The following ZDHHC11B variants were observed in gnomAD, a reference collection of about 807,000 sequenced individuals.
ZDHHC11B encodes the protein probable palmitoyltransferase ZDHHC11B.
In ZDHHC11B, 17 loss-of-function variants were observed where a neutral mutation model predicts 42.3. The ratio of observed to expected loss-of-function variants is 0.40; its 90% CI spans 0.27 to 0.60. The LOEUF is 0.60. Ranked by LOEUF, ZDHHC11B falls within the 20% of genes least tolerant of loss-of-function variation. The pLI, the probability that ZDHHC11B is intolerant of heterozygous loss-of-function variation, is 0.41. For synonymous variants in ZDHHC11B, 123 were observed against 193.5 expected (o/e 0.64, Z 3.02); for missense variants, 262 against 463.2 (o/e 0.57, Z 3.99).
At chr5:732,379 T>C (rs561430666) in intron 11 of ZDHHC11B, 3 of 258,374 alleles carry the variant, frequency 1.2e-5, no homozygotes, top group Middle Eastern at 4.3e-4. Flanking sequence ...GACTCACAAA[T>C]GCACCTGTGC....
Position 766,709 on chromosome 5 carries a change from T to C in ZDHHC11B, c.211A>G (p.Ile71Val), listed in dbSNP as rs760789948. 1.2e-6 allele frequency: 2 copies of C among 1,609,428 alleles called. No individual in the cohort carries two copies. The highest frequency in any genetic ancestry group is 1.7e-5 in the Admixed American group (1 of 59,300). Residue 71 changes from isoleucine (I) to valine (V), a missense_variant, in exon 4 of 14, where the codon ATC (isoleucine) becomes GTC (valine). Ile to Val is a conservative substitution (Grantham distance 29, BLOSUM62 3). Coordinates refer to ENST00000508859, the MANE Select transcript of ZDHHC11B (RefSeq NM_001351303.2). Reference protein sequence around the residue: ...IPLLPHSWKYIAYVVTGGIFS... With the variant: ...IPLLPHSWKYVAYVVTGGIFS... ...GATGAAAAGGATACCACATAGGCGA[T>C]GTATTTCCACGAGTGAGGCAGGAGG... is the stretch of plus-strand genomic sequence containing the variant.
intron 8 of ZDHHC11B, among the ~76,000 whole-genome samples, chr5:746,881 C>T (rs1228629983): frequency 4.7e-5 from 6 of 128,478 alleles, no homozygotes; most frequent in Non-Finnish European, 6.7e-5. Flanking sequence ...ATCCCTTAAT[C>T]TGCGGCACAT....
chr5:784,173 C>T (rs1287157892), intron 1 of ZDHHC11B, among the ~76,000 whole-genome samples: 1 of 151,102 alleles, frequency 6.6e-6, no homozygotes, highest in East Asian at 1.9e-4. Context: ...TCATTCTGGG[C>T]CGTTTCTGTG....
intron 2 of ZDHHC11B, among the ~76,000 whole-genome samples, chr5:767,754 G>A (rs1260501230): frequency 1.3e-5 from 1 of 78,820 alleles, no homozygotes; most frequent in South Asian, 5.7e-4. Context: ...AGACCGCAGG[G>A]AAATGAGCTC....
intron 12 of ZDHHC11B, among the ~76,000 whole-genome samples, chr5:717,636 A>G (rs1431111584): frequency 2.0e-5 from 3 of 151,220 alleles, no homozygotes; most frequent in Non-Finnish European, 4.4e-5. Context: ...ACGGATCCAT[A>G]AATGAGTAAG....
intron 1 of ZDHHC11B, among the ~76,000 whole-genome samples, chr5:777,207 G>A (rs1579464421): frequency 6.6e-6 from 1 of 151,912 alleles, no homozygotes; most frequent in Admixed American, 6.6e-5. Flanking sequence ...CTTTAGGAGT[G>A]AAGCCGCGGA....
At chr5:745,551 C>G (rs1395610946) in intron 8 of ZDHHC11B, among the ~76,000 whole-genome samples, 2 of 149,902 alleles carry the variant, frequency 1.3e-5, no homozygotes, top group African/African-American at 4.9e-5. Context: ...ACTCAGGCCC[C>G]CCCGCCTGCC....
At chr5:724,670 C>T (rs764911591) in intron 12 of ZDHHC11B, among the ~76,000 whole-genome samples, 2,091 of 148,806 alleles carry the variant, frequency 0.014, 19 homozygotes, top group Non-Finnish European at 0.021. Context: ...GTTACACACA[C>T]ACACACACAC....
chr5:757,448 A>C (rs1388294206), intron 4 of ZDHHC11B, among the ~76,000 whole-genome samples: 1 of 151,912 alleles, frequency 6.6e-6, no homozygotes, highest in African/African-American at 2.4e-5. Context: ...GAGCCCCCTC[A>C]GGCAACGTTG....
In ZDHHC11B at chr5:748,423, G is replaced by T; in HGVS notation, c.765C>A (p.Leu255=). ...ACATACTCAGGTAGATGTGGAAGAT[G>T]AGCAGCTGGCCCAGCTGCACCAAGC... ...LLGLVQLGQL[L]IFHIYLKAKK... is the part of the protein sequence containing the mutation. Residue 255 remains leucine (L), a synonymous_variant, in exon 8 of 14, where the codon CTC becomes CTA. Transcript: ENST00000508859. 2 of 1,358,394 alleles carry T rather than the reference G, an allele frequency of 1.5e-6. 1 individual carries two copies. Among genetic ancestry groups the T allele is most frequent in the Non-Finnish European group, 2.0e-6 (2 of 1,023,266 alleles). 84.1% of individuals were successfully genotyped at this position (1,358,394 alleles called of 1,614,324 possible).
At chr5:716,936 C>T (rs1741796568) in intron 12 of ZDHHC11B, 71 bp from the exon 13 acceptor site, 39 of 1,604,846 alleles carry the variant, frequency 2.4e-5, no homozygotes, top group Non-Finnish European at 3.3e-5. Flanking sequence ...TGCCAAAGTG[C>T]ACAAAATGTG....
At chr5:730,524 A>G (rs1422770776) in intron 11 of ZDHHC11B, 56 bp from the exon 12 acceptor site, 76 of 1,514,932 alleles carry the variant, frequency 5.0e-5, no homozygotes, top group Non-Finnish European at 6.7e-5. Context: ...TGTTGACATT[A>G]AACTTATTCT....
At chr5:751,818 C>A (rs530077682) in intron 6 of ZDHHC11B, among the ~76,000 whole-genome samples, 3 of 122,272 alleles carry the variant, frequency 2.5e-5, no homozygotes, top group African/African-American at 7.8e-5. Flanking sequence ...CACCGCCTGA[C>A]AATTCAGGCA....
Position 710,608 on chromosome 5 carries a change from T to A in ZDHHC11B, c.*1682A>T, listed in dbSNP as rs59813347. On this transcript the variant is annotated 3_prime_UTR_variant, in exon 14 of 14. Coordinates refer to ENST00000508859, the MANE Select transcript of ZDHHC11B (RefSeq NM_001351303.2). ...ATTTCACAGTACTGTGTGCTCCCAT[T>A]TCTCAGTACTGGGCTCCCATTTCCC... is the stretch of plus-strand genomic sequence containing the variant. 1.3e-5 allele frequency: 2 copies of A among 154,176 alleles called. No individual in the cohort carries two copies. The highest frequency in any genetic ancestry group is 2.4e-5 in the African/African-American group (1 of 41,022). 9.6% of individuals were successfully genotyped at this position (154,176 alleles called of 1,614,324 possible). A position where few individuals can be genotyped will look rare whatever the true frequency, so the allele number is the denominator to read the frequency against.
chr5:758,543 T>A (rs756412800), intron 4 of ZDHHC11B, among the ~76,000 whole-genome samples: 15 of 151,730 alleles, frequency 9.9e-5, no homozygotes, highest in Non-Finnish European at 2.1e-4. Flanking sequence ...GTCCTGAGCC[T>A]GAACCTGCCA....
In ZDHHC11B at chr5:745,361, A is replaced by G. The variant is rs917695110; in HGVS notation, c.785-63T>C. The G allele has an allele frequency of 2.0e-6, 3 of 1,472,668 alleles. No homozygotes were observed. In the African/African-American group the frequency reaches 4.1e-5, roughly 20 times the overall value. 91.2% of individuals were successfully genotyped at this position (1,472,668 alleles called of 1,614,324 possible). A position where few individuals can be genotyped will look rare whatever the true frequency, so the allele number is the denominator to read the frequency against. On this transcript the variant is annotated intron_variant, in intron 8 of 13. Coordinates refer to ENST00000508859, the MANE Select transcript of ZDHHC11B (RefSeq NM_001351303.2). ...CCCTGCGGCTTTGCACGGCGCCCAC[A>G]GGACAGCTCAGCAGGGTGGCCAGTG...
intron 9 of ZDHHC11B, among the ~76,000 whole-genome samples, chr5:743,349 A>G (rs867503321): frequency 1.1e-3 from 159 of 146,054 alleles, no homozygotes; most frequent in African/African-American, 3.8e-3. Context: ...AAGTTCTCCA[A>G]TTTTATTTTT....
rs1349671133 is a variant in ZDHHC11B at position 752,012 on chromosome 5, G to T, written c.504-755C>A. 9.1e-4 allele frequency among the ~76,000 whole-genome samples: 112 copies of T among 123,074 alleles called. 8 individuals are homozygous for T. Among genetic ancestry groups the T allele is most frequent in the African/African-American group, 2.6e-3 (100 of 38,568 alleles). 80.7% of individuals were successfully genotyped at this position (123,074 alleles called of 152,430 possible). On this transcript the variant is annotated intron_variant, in intron 6 of 13. Coordinates refer to ENST00000508859, the MANE Select transcript of ZDHHC11B (RefSeq NM_001351303.2). ...CCAGTGTCACAGCTCTGGGGCCTCT[G>T]CCCGCACCTCCCGACTCCACCTGAT...
chr5:777,843 G>C (rs1436995487), intron 1 of ZDHHC11B, among the ~76,000 whole-genome samples: 1 of 151,974 alleles, frequency 6.6e-6, no homozygotes, highest in Non-Finnish European at 1.5e-5. Context: ...TCAGCCCTTG[G>C]GCGGTCCATG....
Sources: gnomAD v4.1 joint callset for allele counts (sites outside exome capture counted in the v4.1 genomes callset) on GRCh38, gnomAD v4.1.1 for gene constraint, MANE v1.5 for transcripts, NCBI Gene and HGNC (gene_info 2026-07-23, HGNC 2026-07-21) for gene names.